HIVEP3: variants seen among roughly 807,000 people sequenced by gnomAD.
The protein encoded by HIVEP3 is transcription factor HIVEP3.
Under a neutral mutation model 152.8 loss-of-function variants are expected in HIVEP3, and 49 were observed. The observed-to-expected ratio is 0.32, with a 90% CI of 0.26 to 0.41. The LOEUF is 0.41. Among genes scored for constraint, HIVEP3 ranks in the 10% least tolerant of loss-of-function variants. The probability of loss-of-function intolerance (pLI) is 1.00; values close to 1 mark genes in which losing one functional copy is unlikely to be tolerated. For missense variants in HIVEP3, 2,790 were observed against 3,103.3 expected (o/e 0.90, Z 2.40); for synonymous variants, 1,269 against 1,289.0 (o/e 0.98, Z 0.33).
intron 7 of HIVEP3, among the ~76,000 whole-genome samples, chr1:41,516,170 GC>G (rs1219913994): frequency 6.6e-6 from 1 of 152,278 alleles, no homozygotes; most frequent in African/African-American, 2.4e-5. Flanking sequence ...CTGAGGGAAT[GC>G]CCCTGGCTGG....
chr1:41,843,804 G>C (rs1009169064), intron 1 of HIVEP3, among the ~76,000 whole-genome samples: 1 of 152,062 alleles, frequency 6.6e-6, no homozygotes, highest in Admixed American at 6.6e-5. Context: ...TGTGCACAAT[G>C]TGCAGGTTAG....
chr1:41,659,838 T>C (rs1215374203), intron 2 of HIVEP3, among the ~76,000 whole-genome samples: 1 of 152,238 alleles, frequency 6.6e-6, no homozygotes, highest in Admixed American at 6.5e-5. Flanking sequence ...AGTACTCATC[T>C]TGGGGAGCTA....
At chr1:41,823,340 C>T (rs1642663067) in intron 1 of HIVEP3, among the ~76,000 whole-genome samples, 1 of 152,212 alleles carries the variant, frequency 6.6e-6, no homozygotes, top group African/African-American at 2.4e-5. Context: ...TGCTTAATCT[C>T]CTCACAAGAA....
intron 5 of HIVEP3, among the ~76,000 whole-genome samples, chr1:41,566,910 C>T (rs1246902411): frequency 6.6e-6 from 1 of 152,100 alleles, no homozygotes; most frequent in African/African-American, 2.4e-5. Flanking sequence ...TCTTCTCCAT[C>T]TCCCCCAAGA....
chr1:41,531,698 G>A, intron 5 of HIVEP3, among the ~76,000 whole-genome samples: 1 of 103,476 alleles, frequency 9.7e-6, no homozygotes, highest in Non-Finnish European at 2.0e-5. Flanking sequence ...AGAGGACAGG[G>A]GAGATGGAGG....
chr1:41,640,382 G>A (rs1365963722), intron 2 of HIVEP3, among the ~76,000 whole-genome samples: 1 of 152,106 alleles, frequency 6.6e-6, no homozygotes, highest in Non-Finnish European at 1.5e-5. Context: ...CTGGAACTAG[G>A]CACTCTACAC....
intron 2 of HIVEP3, among the ~76,000 whole-genome samples, chr1:41,666,514 AGT>A (rs1323749859): frequency 6.6e-6 from 1 of 152,186 alleles, no homozygotes; most frequent in Non-Finnish European, 1.5e-5. Flanking sequence ...AGAACTCTTC[AGT>A]GTACAAAATA....
At chr1:41,861,728 T>A (rs1306664798) in intron 1 of HIVEP3, among the ~76,000 whole-genome samples, 1 of 152,172 alleles carries the variant, frequency 6.6e-6, no homozygotes, top group African/African-American at 2.4e-5. Context: ...GAGGTCTGAA[T>A]CCCACACAGA....
At chr1:41,811,162 C>T (rs617122) in intron 1 of HIVEP3, among the ~76,000 whole-genome samples, 53,905 of 150,284 alleles carry the variant, frequency 0.36, 11,291 homozygotes, top group East Asian at 0.8. Flanking sequence ...GTGTTTATTG[C>T]CCAGTGGGCA....
intron 5 of HIVEP3, among the ~76,000 whole-genome samples, chr1:41,527,603 T>A (rs11210382): frequency 8.9e-6 from 1 of 112,164 alleles, no homozygotes; most frequent in Non-Finnish European, 1.8e-5. Context: ...CTCATTCGCA[T>A]ACTCTACTCC....
chr1:41,785,872 T>C (rs1020995532), intron 1 of HIVEP3, among the ~76,000 whole-genome samples: 1 of 152,164 alleles, frequency 6.6e-6, no homozygotes, highest in Non-Finnish European at 1.5e-5. Context: ...GGCAGGTGCC[T>C]GTAATCCCAG....
chr1:41,598,294 A>T (rs1353703523), intron 3 of HIVEP3, among the ~76,000 whole-genome samples: 5 of 152,144 alleles, frequency 3.3e-5, no homozygotes, highest in Admixed American at 2.0e-4. Context: ...CTTTGATGGC[A>T]TTTTGTTTCT....
intron 1 of HIVEP3, among the ~76,000 whole-genome samples, chr1:41,787,553 T>TTTA (rs1558269021): frequency 1.4e-5 from 2 of 146,096 alleles, no homozygotes; most frequent in African/African-American, 5.2e-5. Context: ...TTTTTTTTTT[T>TTTA]AATGGGATTT....
intron 1 of HIVEP3, among the ~76,000 whole-genome samples, chr1:41,787,799 T>C (rs1649450337): frequency 6.6e-6 from 1 of 152,018 alleles, no homozygotes; most frequent in Non-Finnish European, 1.5e-5. Context: ...CCTACTAAGA[T>C]GCTACAATTA....
intron 2 of HIVEP3, among the ~76,000 whole-genome samples, chr1:41,657,940 CA>C (rs1484678602): frequency 1.3e-5 from 2 of 152,172 alleles, no homozygotes; most frequent in Non-Finnish European, 2.9e-5. Context: ...TCATCCCAGG[CA>C]GAACATCTAG....
At position 41,722,501 on chromosome 1, in the gene HIVEP3, CCCTT is replaced by C. The variant is rs1385274700; in HGVS notation, c.-800-21510_-800-21507del. On this transcript the variant is annotated intron_variant, in intron 1 of 8. Transcript: ENST00000372583. The stretch of plus-strand genomic sequence containing the variant: ...TCTCCCCTCCCTCTCCCCTCCCCTT[CCCTT>C]CCCTTCCCTCCTTTCCTCCCTTCTC... 4.1e-3 allele frequency among the ~76,000 whole-genome samples: 530 copies of C among 130,628 alleles called. 5 individuals are homozygous for C. Among genetic ancestry groups the C allele is most frequent in the African/African-American group, 0.014 (503 of 36,010 alleles). The allele number at this position is 130,628 out of a possible 152,430, so 85.7% of individuals were successfully genotyped here.
chr1:41,908,745 C>T (rs756360600), intron 1 of HIVEP3, among the ~76,000 whole-genome samples: 27 of 152,260 alleles, frequency 1.8e-4, no homozygotes, highest in South Asian at 4.1e-4. Context: ...GTTAGTAAGA[C>T]GTATTCAGTG....
At position 41,927,081 on chromosome 1, in the gene HIVEP3, G is replaced by A. The variant is rs1447688927; in HGVS notation, n.120-8557C>T. ...TTGGGTTCAAGAACCAGGAGAGTCTGATGTTGGTAAGAATTCCCTTCTAGG... is the reference window on the plus strand; with the variant it reads ...TTGGGTTCAAGAACCAGGAGAGTCTAATGTTGGTAAGAATTCCCTTCTAGG... On this transcript the variant is annotated intron_variant and non_coding_transcript_variant, in intron 1 of 3. Coordinates refer to the HIVEP3 transcript ENST00000489103. Among the ~76,000 whole-genome samples, 7 of 152,232 alleles carry A rather than the reference G, an allele frequency of 4.6e-5. 1 individual carries two copies. In the South Asian group the frequency reaches 1.4e-3, roughly 32 times the overall value.
chr1:41,754,825 C>T (rs1038277092), intron 1 of HIVEP3, among the ~76,000 whole-genome samples: 3 of 152,122 alleles, frequency 2.0e-5, no homozygotes, highest in Middle Eastern at 3.2e-3. Context: ...TTTCAGTTAT[C>T]AGATAGGCAA....
Sources: allele counts gnomAD v4.1 joint callset (sites outside exome capture counted in the v4.1 genomes callset), GRCh38; gene constraint gnomAD v4.1.1; transcripts MANE v1.5; gene names NCBI Gene and HGNC (gene_info 2026-07-23, HGNC 2026-07-21).